MEF2C: variants seen among roughly 807,000 people sequenced by gnomAD.
MEF2C encodes the protein myocyte enhancer factor 2C.
MEF2C carries 6 observed loss-of-function variants against 50.5 expected under a neutral mutation model. The observed-to-expected ratio is 0.12, with a 90% confidence interval of 0.07 to 0.23. The LOEUF (loss-of-function observed/expected upper bound fraction) is 0.23. Ranked by LOEUF, MEF2C falls within the 10% of genes least tolerant of loss-of-function variation. The probability of loss-of-function intolerance (pLI) is 1.00; values close to 1 mark genes in which losing one functional copy is unlikely to be tolerated. For missense variants in MEF2C, 276 were observed against 605.0 expected, an observed-to-expected ratio of 0.46 and a Z score of 5.70; for synonymous variants, 183 against 228.0, an observed-to-expected ratio of 0.80 and a Z score of 1.78.
intron 1 of MEF2C, among the ~76,000 whole-genome samples, chr5:88,831,511 A>C (rs1428320341): frequency 6.6e-6 from 1 of 151,902 alleles, no homozygotes; most frequent in African/African-American, 2.4e-5. Flanking sequence ...ATGACCTTGA[A>C]ATGGGAAGAA....
chr5:88,750,374 A>T lies in MEF2C; in HGVS notation c.590-1257T>A, dbSNP rs182241088. Among the ~76,000 whole-genome samples the T allele has an allele frequency of 5.6e-3, 831 of 148,744 alleles. 7 individuals are homozygous for T. Among genetic ancestry groups the T allele is most frequent in the African/African-American group, 0.02 (794 of 40,360 alleles). ...ACAAGCCACTGTACCTAGTTAATTT[A>T]AAAAAAAAATGTTTGTAGAGATGGG... On this transcript the variant is annotated intron_variant, in intron 5 of 10. Transcript: ENST00000504921.
At chr5:88,735,056 T>C (rs1763531452) in intron 6 of MEF2C, 1 of 985,368 alleles carries the variant, frequency 1.0e-6, no homozygotes, top group Non-Finnish European at 1.2e-6. Context: ...TTGGACATAA[T>C]ATAGATTCAG....
rs184939442 is a variant in MEF2C at position 88,873,935 on chromosome 5, G to A, written c.-143+9020C>T. 2.3e-3 allele frequency among the ~76,000 whole-genome samples: 342 copies of A among 151,804 alleles called. 2 individuals carry two copies. Among genetic ancestry groups the A allele is most frequent in the African/African-American group, 7.9e-3 (328 of 41,424 alleles). ...AGAAAAATCATCCAGAATAAATTAG[G>A]TCTGGATTTATATAGTACCTTTTAA... On this transcript the variant is annotated intron_variant, in intron 1 of 10. Transcript: ENST00000504921.
intron 3 of MEF2C, among the ~76,000 whole-genome samples, chr5:88,788,374 T>A (rs1792064344): frequency 6.6e-6 from 1 of 151,844 alleles, no homozygotes; most frequent in South Asian, 2.1e-4. Context: ...CTAATTTTTT[T>A]TTTTTTTGTA....
At chr5:88,853,675 A>C (rs1283748990) in intron 1 of MEF2C, among the ~76,000 whole-genome samples, 1 of 152,220 alleles carries the variant, frequency 6.6e-6, no homozygotes, top group African/African-American at 2.4e-5. Flanking sequence ...GGAAAATATA[A>C]AGGCATGATT....
chr5:88,855,396 A>AT (rs1225573927), intron 1 of MEF2C, among the ~76,000 whole-genome samples: 1 of 152,182 alleles, frequency 6.6e-6, no homozygotes, highest in African/African-American at 2.4e-5. Flanking sequence ...GATTTTGGAT[A>AT]TTTTTTCCTT....
intron 3 of MEF2C, chr5:88,782,035 A>G: frequency 1.6e-6 from 1 of 616,448 alleles, no homozygotes; most frequent in Non-Finnish European, 2.0e-6. Flanking sequence ...TTTTGATCCC[A>G]GGAGTTTGAG....
intron 6 of MEF2C, chr5:88,735,770 G>A (rs1349965338): frequency 6.1e-6 from 6 of 985,200 alleles, no homozygotes; most frequent in African/African-American, 1.7e-5. Context: ...TTAAGAAGTC[G>A]TAAATTCAAA....
chr5:88,813,494 A>G (rs372856127), intron 2 of MEF2C, among the ~76,000 whole-genome samples: 1 of 152,102 alleles, frequency 6.6e-6, no homozygotes, highest in South Asian at 2.1e-4. Context: ...AAGTCACCTC[A>G]GAAGAACTTT....
intron 1 of MEF2C, among the ~76,000 whole-genome samples, chr5:88,877,509 C>T (rs1158028943): frequency 6.6e-6 from 1 of 151,852 alleles, no homozygotes; most frequent in African/African-American, 2.4e-5. Flanking sequence ...ATAACCTTTT[C>T]TATAATCTTA....
intron 1 of MEF2C, among the ~76,000 whole-genome samples, chr5:88,897,646 C>G (rs1835252305): frequency 6.6e-6 from 1 of 152,100 alleles, no homozygotes; most frequent in African/African-American, 2.4e-5. Context: ...TTTGATGACA[C>G]TTATTTTCCA....
Position 88,804,612 on chromosome 5 carries a change from A to G in MEF2C, c.244T>C (p.Ser82Pro). 2 of 1,613,960 alleles carry G rather than the reference A, an allele frequency of 1.2e-6. No individual in the cohort carries two copies. Among genetic ancestry groups the G allele is most frequent in the Non-Finnish European group, 1.7e-6 (2 of 1,179,964 alleles). ...TGCTCTCTCACCTCCACGATGTCTG[A>G]GTTTGTCCGGCTCTCATGCGGCTCG... Reference protein sequence around the residue: ...YNEPHESRTNSDIVETLRKKG... With the variant: ...YNEPHESRTNPDIVETLRKKG... The change falls in exon 3 of 11, where the codon TCA becomes CCA. Residue 82 changes from serine to proline, a missense_variant. Physicochemically the swap from Ser to Pro is moderately conservative, Grantham distance 74 (BLOSUM62 -1). This residue lies in a region of MEF2C where 20 missense variants were observed against 136.9 expected (regional missense o/e 0.15). Transcript: ENST00000504921.
chr5:88,804,585 C>T lies in MEF2C; in HGVS notation c.258+13G>A, dbSNP rs1387507622. 2 of 1,612,970 alleles carry T rather than the reference C, an allele frequency of 1.2e-6. No homozygotes were observed. The highest frequency in any genetic ancestry group is 8.5e-7 in the Non-Finnish European group (1 of 1,179,706). ...TTGCGGAGGCTTGGGGCTCACCACG[C>T]ATGCTCTCTCACCTCCACGATGTCT... On this transcript the variant is annotated intron_variant, in intron 3 of 10. Coordinates refer to ENST00000504921, the MANE Select transcript of MEF2C (RefSeq NM_002397.5).
chr5:88,797,454 C>CTTTTTTTTTTTTTTTT lies in MEF2C; in HGVS notation c.258+7143_258+7144insAAAAAAAAAAAAAAAA, dbSNP rs1169605093. 1.5e-3 allele frequency among the ~76,000 whole-genome samples: 38 copies of CTTTTTTTTTTTTTTTT among 25,220 alleles called. 8 individuals are homozygous for CTTTTTTTTTTTTTTTT. The highest frequency in any genetic ancestry group is 2.4e-3 in the Non-Finnish European group (26 of 10,734). The allele number at this position is 25,220 out of a possible 152,430, so 16.5% of individuals were successfully genotyped here. On this transcript the variant is annotated intron_variant, in intron 3 of 10. Transcript: ENST00000504921. ...TCACAGACTAGGATTGCAACCCTTG[C>CTTTTTTTTTTTTTTTT]CTTTTTTTTTTTTTTTTTTTTTTTT...
chr5:88,737,518 G>C (rs1272039815), intron 6 of MEF2C: 1 of 985,230 alleles, frequency 1.0e-6, no homozygotes, highest in Admixed American at 6.2e-5. Context: ...GTTGCCACAG[G>C]TTGTCGTTAT....
At chr5:88,840,697 T>C (rs530419806) in intron 1 of MEF2C, among the ~76,000 whole-genome samples, 2 of 152,312 alleles carry the variant, frequency 1.3e-5, no homozygotes, top group East Asian at 3.9e-4. Context: ...TTATGCTGAA[T>C]TCCTATCTTT....
intron 1 of MEF2C, among the ~76,000 whole-genome samples, chr5:88,836,000 T>G (rs1814954488): frequency 6.6e-6 from 1 of 152,124 alleles, no homozygotes; most frequent in Admixed American, 6.5e-5. Flanking sequence ...CAATTCTCCC[T>G]CCTCTTTTTT....
chr5:88,760,367 G>A (rs539874161), intron 4 of MEF2C, among the ~76,000 whole-genome samples: 9 of 152,280 alleles, frequency 5.9e-5, no homozygotes, highest in East Asian at 3.9e-4. Context: ...GTGGCAAAGC[G>A]GATAATATTC....
At chr5:88,740,773 C>T (rs1162582383) in intron 6 of MEF2C, 7 of 984,898 alleles carry the variant, frequency 7.1e-6, no homozygotes, top group South Asian at 9.4e-5. Context: ...TTGAACCACA[C>T]TATCTTTAAA....
Sources: gnomAD v4.1 joint callset for allele counts (sites outside exome capture counted in the v4.1 genomes callset) on GRCh38, gnomAD v4.1.1 for gene constraint, gnomAD v4.1.1 regional missense constraint, MANE v1.5 for transcripts, NCBI Gene and HGNC (gene_info 2026-07-23, HGNC 2026-07-21) for gene names.